Variants in TEX52 observed in about 807,000 individuals in gnomAD.
The protein encoded by TEX52 is testis-expressed protein 52.
In TEX52, 22 loss-of-function variants were observed where a neutral mutation model predicts 17.6. The ratio of observed to expected loss-of-function variants is 1.25; its 90% CI spans 0.89 to 1.78. The LOEUF (loss-of-function observed/expected upper bound fraction) is 1.78. TEX52 is among the 40% of genes most tolerant of loss of function. The pLI, the probability that TEX52 is intolerant of heterozygous loss-of-function variation, is 0.00. For missense variants in TEX52, 396 were observed against 372.3 expected (o/e 1.06, Z -0.52); for synonymous variants, 168 against 147.4 (o/e 1.14, Z -1.01).
intron 2 of TEX52, among the ~76,000 whole-genome samples, 157 bp downstream of exon 2, chr12:2,854,739 C>T (rs758646260): frequency 1.3e-5 from 2 of 152,126 alleles, no homozygotes; most frequent in Non-Finnish European, 2.9e-5. Context: ...CCCTTGTCTC[C>T]ACCTCGTCCT....
intron 2 of TEX52, among the ~76,000 whole-genome samples, chr12:2,853,408 G>A (rs982214378): frequency 1.3e-5 from 2 of 152,122 alleles, no homozygotes; most frequent in African/African-American, 4.8e-5. Flanking sequence ...GAGTAGCTGG[G>A]ATTACAGGCG....
At position 2,854,980 on chromosome 12, in the gene TEX52, A is replaced by G; in HGVS notation, c.539T>C (p.Val180Ala). ...IFRTVKELKEVEKLKLRSEAR... is the reference protein window; with the variant it reads ...IFRTVKELKEAEKLKLRSEAR... ...CTCACTCCTCAACTTGAGCTTCTCC[A>G]CCTCCTTCAACTCCTTCACTGTCCT... The change falls in exon 2 of 3, where the codon GTG becomes GCG. Residue 180 changes from valine (V) to alanine (A), a missense_variant. Coordinates refer to ENST00000637658, the MANE Select transcript of TEX52 (RefSeq NM_001365174.2). 1 of 1,535,496 alleles carries G rather than the reference A, an allele frequency of 6.5e-7. No individual in the cohort carries two copies. Among genetic ancestry groups the G allele is most frequent in the Admixed American group, 2.0e-5 (1 of 50,904 alleles).
At position 2,855,239 on chromosome 12, in the gene TEX52, C is replaced by T; in HGVS notation, c.280G>A (p.Gly94Ser). The T allele has an allele frequency of 2.0e-6, 3 of 1,507,070 alleles. No homozygotes were observed. Among genetic ancestry groups the T allele is most frequent in the South Asian group, 2.5e-5 (2 of 80,686 alleles). The allele number at this position is 1,507,070 out of a possible 1,614,324, so 93.4% of individuals were successfully genotyped here. Residue 94 changes from glycine (G) to serine (S), a missense_variant, in exon 2 of 3, where the codon GGC (glycine) becomes AGC (serine). By Grantham distance (56) the Gly-to-Ser change is moderately conservative. Coordinates refer to ENST00000637658, the MANE Select transcript of TEX52 (RefSeq NM_001365174.2). ...CACACATCGAGCCACGTGTGAAAGCCCCAGGTGTGCTGGGCGCCACCCTTC... is the reference window on the plus strand; with the variant it reads ...CACACATCGAGCCACGTGTGAAAGCTCCAGGTGTGCTGGGCGCCACCCTTC... ...PWKGGAQHTW[G>S]FHTWLDVCRL...
downstream of TEX52, among the ~76,000 whole-genome samples, chr12:2,848,877 GCACACA>G (rs3056877): frequency 5.7e-4 from 80 of 140,352 alleles, no homozygotes; most frequent in East Asian, 1.5e-3. Context: ...ACACACACAC[GCACACA>G]CACACACACA....
chr12:2,849,522 G>A lies in TEX52; in HGVS notation c.627C>T (p.Tyr209=), dbSNP rs755082090. 114 of 1,536,074 alleles carry A rather than the reference G, an allele frequency of 7.4e-5. No individual in the cohort carries two copies. In the Admixed American group the frequency reaches 1.0e-3, roughly 14 times the overall value. Residue 209 remains tyrosine (Y), a synonymous_variant, in exon 3 of 3, where the codon TAC becomes TAT. Transcript: ENST00000637658. The part of the protein sequence containing the change: ...NIQPPASFKK[Y]RHISAGGRFE... ...ACCTCCCACCAGCGGATATGTGCCGGTACCTGTTGGGAGAAGGGTATGGAG... is the reference window on the plus strand; with the variant it reads ...ACCTCCCACCAGCGGATATGTGCCGATACCTGTTGGGAGAAGGGTATGGAG...
chr12:2,848,667 C>T (rs1458299462), downstream of TEX52, among the ~76,000 whole-genome samples: 5 of 152,158 alleles, frequency 3.3e-5, no homozygotes, highest in Non-Finnish European at 7.3e-5. Flanking sequence ...CTGCATGGGG[C>T]CCTGCAACCA....
At position 2,849,272 on chromosome 12, in the gene TEX52, A is replaced by T. The variant is rs2098062361; in HGVS notation, c.877T>A (p.Ser293Thr). The T allele has an allele frequency of 6.5e-7, 1 of 1,535,632 alleles. No homozygotes were observed. Residue 293 changes from serine to threonine, a missense_variant, in exon 3 of 3, where the codon TCC becomes ACC. By Grantham distance (58) the Ser-to-Thr change is moderately conservative. Coordinates refer to ENST00000637658, the MANE Select transcript of TEX52 (RefSeq NM_001365174.2). Reference sequence around the variant, plus strand: ...CTTCTCTTCCTCTTCCTTGCTGGGGATTTGCTTGCTTGTGCCTTGGAGAGA... The same window carrying T: ...CTTCTCTTCCTCTTCCTTGCTGGGGTTTTGCTTGCTTGTGCCTTGGAGAGA... ...HHLSKAQASK[S>T]PARKRKRRPG...
At position 2,849,363 on chromosome 12, in the gene TEX52, C is replaced by T. The variant is rs752558497; in HGVS notation, c.786G>A (p.Leu262=). 1.2e-5 allele frequency: 18 copies of T among 1,536,064 alleles called. No individual in the cohort carries two copies. The highest frequency in any genetic ancestry group is 1.6e-5 in the Non-Finnish European group (18 of 1,146,930). The change falls in exon 3 of 3, where the codon CTG becomes CTA. Residue 262 remains leucine (L), a synonymous_variant. Coordinates refer to ENST00000637658, the MANE Select transcript of TEX52 (RefSeq NM_001365174.2). The part of the protein sequence containing the change: ...LKLALLPSAP[L]SQDLIRDFQT... The stretch of plus-strand genomic sequence containing the variant: ...GGAAATCCCTTATGAGGTCCTGGCT[C>T]AGGGGCGCGCTGGGCAGCAAGGCCA...
chr12:2,854,252 C>T (rs997747137), intron 2 of TEX52, among the ~76,000 whole-genome samples: 13 of 152,298 alleles, frequency 8.5e-5, no homozygotes, highest in South Asian at 2.1e-4. Flanking sequence ...CTGGAACTCC[C>T]TACCTCAGGT....
intron 2 of TEX52, among the ~76,000 whole-genome samples, chr12:2,851,710 G>A (rs2098071606): frequency 6.6e-6 from 1 of 150,862 alleles, no homozygotes; most frequent in South Asian, 2.1e-4. Context: ...ATGTAGTCTT[G>A]ATCTGTCACC....
At chr12:2,853,507 A>C (rs2098077737) in intron 2 of TEX52, among the ~76,000 whole-genome samples, 1 of 152,102 alleles carries the variant, frequency 6.6e-6, no homozygotes, top group Non-Finnish European at 1.5e-5. Flanking sequence ...TCCTGACCTC[A>C]GGCGATCTGC....
chr12:2,854,945 G>T lies in TEX52; in HGVS notation c.574C>A (p.Pro192Thr). 1 of 1,536,148 alleles carries T rather than the reference G, an allele frequency of 6.5e-7. No individual in the cohort carries two copies. Among genetic ancestry groups the T allele is most frequent in the Non-Finnish European group, 8.7e-7 (1 of 1,146,906 alleles). The change falls in exon 2 of 3, where the codon CCC becomes ACC. Residue 192 changes from proline to threonine, a missense_variant. Transcript: ENST00000637658. ...KLKLRSEARAPPLDAQGNIQP... is the reference protein window; with the variant it reads ...KLKLRSEARATPLDAQGNIQP... ...ATGTTGCCCTGGGCATCGAGTGGGG[G>T]TGCTCTTGCCTCACTCCTCAACTTG...
intron 1 of TEX52, 102 bp from the exon 2 acceptor site, chr12:2,855,548 G>T: frequency 1.1e-6 from 1 of 910,752 alleles, no homozygotes; most frequent in Non-Finnish European, 1.5e-6. Context: ...ACCTCTGCCA[G>T]CCCAGGATTC....
Position 2,855,244 on chromosome 12 carries a change from G to C in TEX52, c.275C>G (p.Thr92Ser), listed in dbSNP as rs1239564943. 6.6e-7 allele frequency: 1 copy of C among 1,508,810 alleles called. No homozygotes were observed. Among genetic ancestry groups the C allele is most frequent in the South Asian group, 1.2e-5 (1 of 81,114 alleles). The allele number at this position is 1,508,810 out of a possible 1,614,324, so 93.5% of individuals were successfully genotyped here. ...IHPWKGGAQH[T>S]WGFHTWLDVC... ...ATCGAGCCACGTGTGAAAGCCCCAG[G>C]TGTGCTGGGCGCCACCCTTCCAAGG... is the stretch of plus-strand genomic sequence containing the variant. The change falls in exon 2 of 3, where the codon ACC becomes AGC. Residue 92 changes from threonine to serine, a missense_variant. Thr to Ser is a moderately conservative substitution (Grantham distance 58). Transcript: ENST00000637658.
intron 2 of TEX52, 116 bp downstream of exon 2, chr12:2,854,780 T>A (rs2098081939): frequency 1.8e-6 from 2 of 1,129,768 alleles, no homozygotes; most frequent in Non-Finnish European, 2.4e-6. Context: ...AGTTTGGTTT[T>A]CAGATGGCCA....
chr12:2,856,612 C>T (rs1431974611), intron 1 of TEX52, among the ~76,000 whole-genome samples: 1 of 152,214 alleles, frequency 6.6e-6, no homozygotes, highest in African/African-American at 2.4e-5. Flanking sequence ...AACCGTTCCC[C>T]TCGACCTCCC....
At chr12:2,855,654 A>G (rs1264500268) in intron 1 of TEX52, among the ~76,000 whole-genome samples, 1 of 152,030 alleles carries the variant, frequency 6.6e-6, no homozygotes, top group African/African-American at 2.4e-5. Context: ...ACAGTCACTC[A>G]TCTTTTGATC....
In TEX52 at chr12:2,856,925, G is replaced by T. The variant is rs1016216518; in HGVS notation, c.72+30C>A. The T allele has an allele frequency of 4.0e-5, 28 of 703,030 alleles. No homozygotes were observed. The East Asian group carries it at 5.1e-4, about 13-fold the overall frequency. The allele number at this position is 703,030 out of a possible 1,614,324, so 43.5% of individuals were successfully genotyped here. ...CCTGTAGCCCAGTGGGGTACAAAAA[G>T]GTAGGCGGCAGAGATGGGCCACCCC... On this transcript the variant is annotated intron_variant, in intron 1 of 2. Coordinates refer to ENST00000637658, the MANE Select transcript of TEX52 (RefSeq NM_001365174.2).
chr12:2,855,980 C>T (rs2098086068), intron 1 of TEX52, among the ~76,000 whole-genome samples: 1 of 152,134 alleles, frequency 6.6e-6, no homozygotes, highest in Non-Finnish European at 1.5e-5. Flanking sequence ...TTTCCTCCCA[C>T]TCCTCATTAA....
Sources: gnomAD v4.1 joint callset for allele counts (sites outside exome capture counted in the v4.1 genomes callset) on GRCh38, gnomAD v4.1.1 for gene constraint, MANE v1.5 for transcripts, NCBI Gene and HGNC (gene_info 2026-07-23, HGNC 2026-07-21) for gene names.